Variants in PRKN observed in about 807,000 individuals in gnomAD.
PRKN encodes the protein parkin RBR E3 ubiquitin protein ligase, also known as E3 ubiquitin-protein ligase parkin.
In PRKN, 56 loss-of-function variants were observed where a neutral mutation model predicts 59.5. That is an observed-to-expected ratio of 0.94 (90% CI 0.76 to 1.18). The LOEUF is 1.18. PRKN is among the 50% of genes most tolerant of loss of function. The pLI is 0.00. For missense variants in PRKN, 657 were observed against 596.4 expected, an observed-to-expected ratio of 1.10 and a Z score of -1.06; for synonymous variants, 250 against 222.1, an observed-to-expected ratio of 1.13 and a Z score of -1.12.
intron 4 of PRKN, among the ~76,000 whole-genome samples, chr6:162,160,089 T>C (rs1782689623): frequency 6.6e-6 from 1 of 152,204 alleles, no homozygotes; most frequent in African/African-American, 2.4e-5. Flanking sequence ...TTGAAAGACA[T>C]GTTTAGGGAA....
chr6:162,009,934 T>C (rs1345031107), intron 5 of PRKN, among the ~76,000 whole-genome samples: 1 of 151,052 alleles, frequency 6.6e-6, no homozygotes, highest in Admixed American at 6.6e-5. Context: ...AGACTCTGCG[T>C]CAAAAAAAAA....
chr6:162,192,796 G>A (rs1448813181), intron 4 of PRKN, among the ~76,000 whole-genome samples: 2 of 151,986 alleles, frequency 1.3e-5, no homozygotes, highest in Non-Finnish European at 2.9e-5. Context: ...CCACAATTTT[G>A]AGAATTTCAA....
At chr6:162,204,342 C>T (rs1047046520) in intron 3 of PRKN, among the ~76,000 whole-genome samples, 1 of 152,168 alleles carries the variant, frequency 6.6e-6, no homozygotes, top group Non-Finnish European at 1.5e-5. Flanking sequence ...CATACCCCTT[C>T]TCAGAGCTGA....
intron 4 of PRKN, among the ~76,000 whole-genome samples, chr6:162,153,372 T>G (rs1333986338): frequency 1.3e-5 from 2 of 152,216 alleles, no homozygotes; most frequent in African/African-American, 2.4e-5. Context: ...GTGTAGGCCC[T>G]GTGGCAGCAT....
chr6:161,598,384 G>A (rs1229797916), intron 7 of PRKN, among the ~76,000 whole-genome samples: 1 of 152,128 alleles, frequency 6.6e-6, no homozygotes, highest in East Asian at 1.9e-4. Flanking sequence ...ACATCCAAAT[G>A]TTAATTATAA....
intron 7 of PRKN, among the ~76,000 whole-genome samples, chr6:161,641,204 G>T (rs900225166): frequency 2.4e-4 from 36 of 152,186 alleles, no homozygotes; most frequent in Admixed American, 4.6e-4. Flanking sequence ...GCTTTTGCAG[G>T]ACACAATAAA....
At chr6:162,477,807 C>G (rs943416725) in intron 1 of PRKN, among the ~76,000 whole-genome samples, 12 of 152,296 alleles carry the variant, frequency 7.9e-5, no homozygotes, top group Middle Eastern at 3.4e-3. Flanking sequence ...TACAGCATCT[C>G]TAACTATTCA....
chr6:162,172,346 G>A (rs1192352456), intron 4 of PRKN, among the ~76,000 whole-genome samples: 1 of 152,180 alleles, frequency 6.6e-6, no homozygotes, highest in African/African-American at 2.4e-5. Flanking sequence ...TAGAAGCCCA[G>A]TGGCTGAGCT....
intron 7 of PRKN, among the ~76,000 whole-genome samples, chr6:161,778,220 G>T (rs1790042904): frequency 6.6e-6 from 1 of 152,042 alleles, no homozygotes; most frequent in South Asian, 2.1e-4. Context: ...AATTTGTGGT[G>T]ATCAAAGTCC....
At chr6:162,424,543 G>A (rs1282874093) in intron 2 of PRKN, among the ~76,000 whole-genome samples, 2 of 152,016 alleles carry the variant, frequency 1.3e-5, no homozygotes, top group African/African-American at 2.4e-5. Flanking sequence ...AGACCAGCCT[G>A]GCCAAGATGG....
At chr6:162,301,324 C>G (rs1157170398) in intron 2 of PRKN, among the ~76,000 whole-genome samples, 1 of 151,128 alleles carries the variant, frequency 6.6e-6, no homozygotes, top group Non-Finnish European at 1.5e-5. Flanking sequence ...AAGACGCAGA[C>G]TCAGCATTCT....
chr6:162,488,031 T>TC (rs1171720108), intron 1 of PRKN, among the ~76,000 whole-genome samples: 1 of 130,110 alleles, frequency 7.7e-6, no homozygotes. Context: ...ATTTCCCTTT[T>TC]TTTTTTTTTT....
intron 9 of PRKN, among the ~76,000 whole-genome samples, chr6:161,531,025 T>A (rs776525696): frequency 6.6e-6 from 1 of 152,216 alleles, no homozygotes; most frequent in Non-Finnish European, 1.5e-5. Flanking sequence ...CACCATCTGA[T>A]AATAATGTTT....
At position 161,487,721 on chromosome 6, in the gene PRKN, G is replaced by A. The variant is rs747632331; in HGVS notation, c.1083+61133C>T. The stretch of plus-strand genomic sequence containing the variant: ...TCTTTTCCATTCATTCAGAAAAAGC[G>A]CCTATGGAGGCTCGCGAATAGAGAG... On this transcript the variant is annotated intron_variant, in intron 9 of 11. Transcript: ENST00000366898. The surrounding 1 kb of genome is among the most constrained non-coding windows in gnomAD (Gnocchi z 5.3). 6.6e-6 allele frequency among the ~76,000 whole-genome samples: 1 copy of A among 152,132 alleles called. No homozygotes were observed. The highest frequency in any genetic ancestry group is 2.4e-5 in the African/African-American group (1 of 41,404).
intron 2 of PRKN, among the ~76,000 whole-genome samples, chr6:162,414,489 C>T (rs6937539): frequency 0.57 from 85,281 of 150,760 alleles, 24,916 homozygotes; most frequent in African/African-American, 0.71. Flanking sequence ...GGCTGGATCA[C>T]GAGGTCAGGA....
At chr6:161,900,271 T>G (rs1777837863) in intron 6 of PRKN, among the ~76,000 whole-genome samples, 1 of 150,946 alleles carries the variant, frequency 6.6e-6, no homozygotes, top group African/African-American at 2.4e-5. Context: ...AGGTGAGATG[T>G]GAACGTGTTG....
intron 6 of PRKN, among the ~76,000 whole-genome samples, chr6:161,910,563 C>G (rs1378751434): frequency 2.6e-5 from 4 of 152,094 alleles, no homozygotes; most frequent in East Asian, 1.9e-4. Flanking sequence ...CTGAAAGAAT[C>G]TGAATATTAC....
At chr6:162,152,511 C>A (rs1782315814) in intron 4 of PRKN, among the ~76,000 whole-genome samples, 1 of 152,132 alleles carries the variant, frequency 6.6e-6, no homozygotes, top group African/African-American at 2.4e-5. Flanking sequence ...ATTGAAATGA[C>A]CAAGGCATCA....
chr6:161,677,436 G>A (rs560144405), intron 7 of PRKN, among the ~76,000 whole-genome samples: 11 of 152,272 alleles, frequency 7.2e-5, no homozygotes, highest in African/African-American at 2.2e-4. Flanking sequence ...ACTGAGTGTC[G>A]GCTTCTCCGT....
Sources: allele counts gnomAD v4.1 joint callset (sites outside exome capture counted in the v4.1 genomes callset), GRCh38; gene constraint gnomAD v4.1.1; non-coding constraint Gnocchi (gnomAD v3.1); transcripts MANE v1.5; gene names NCBI Gene and HGNC (gene_info 2026-07-23, HGNC 2026-07-21).